The following COL23A1 variants were observed in gnomAD, a reference collection of about 807,000 sequenced individuals.
The protein encoded by COL23A1 is collagen type XXIII alpha 1 chain.
Under a neutral mutation model 99.3 loss-of-function variants are expected in COL23A1, and 97 were observed. The ratio of observed to expected loss-of-function variants is 0.98; its 90% CI spans 0.83 to 1.16. COL23A1 has a LOEUF of 1.16. COL23A1 is among the 50% of genes most tolerant of loss of function. The pLI is 0.00. For synonymous variants in COL23A1, 320 were observed against 308.2 expected (o/e 1.04, Z -0.40); for missense variants, 762 against 757.4 (o/e 1.01, Z -0.07).
chr5:178,556,219 T>C (rs1231088655), intron 2 of COL23A1, among the ~76,000 whole-genome samples: 1 of 150,856 alleles, frequency 6.6e-6, no homozygotes. Flanking sequence ...ACAGACCACC[T>C]CAAAGAGAAA....
chr5:178,448,724 T>C (rs1767310840), intron 2 of COL23A1, among the ~76,000 whole-genome samples: 1 of 152,034 alleles, frequency 6.6e-6, no homozygotes, highest in Non-Finnish European at 1.5e-5. Flanking sequence ...TACGTCCCAT[T>C]AGGCTCCACT....
intron 2 of COL23A1, among the ~76,000 whole-genome samples, chr5:178,406,799 G>A (rs976534055): frequency 3.9e-5 from 6 of 152,172 alleles, no homozygotes; most frequent in African/African-American, 1.4e-4. Context: ...TGATAGCTTT[G>A]ATAACTTTGA....
Position 178,428,876 on chromosome 5 carries a change from C to A in COL23A1, c.362-121957G>T, listed in dbSNP as rs577630132. On this transcript the variant is annotated intron_variant, in intron 2 of 28. Coordinates refer to ENST00000390654, the MANE Select transcript of COL23A1 (RefSeq NM_173465.4). This position sits in a 1 kb window ranked among gnomAD's most constrained non-coding sequence, Gnocchi z 5.0. Reference sequence around the variant, plus strand: ...GAGTGGTGCCTCGTGGGGGTGGGGGCAGGGCTGCCTTTGCCTCCCTATTGT... The same window carrying A: ...GAGTGGTGCCTCGTGGGGGTGGGGGAAGGGCTGCCTTTGCCTCCCTATTGT... Among the ~76,000 whole-genome samples the A allele has an allele frequency of 4.6e-5, 7 of 152,268 alleles. No individual in the cohort carries two copies. The highest frequency in any genetic ancestry group is 1.7e-4 in the African/African-American group (7 of 41,570).
intron 2 of COL23A1, chr5:178,438,887 G>T (rs937679335): frequency 6.6e-5 from 10 of 152,174 alleles, no homozygotes; most frequent in Non-Finnish European, 1.2e-4. Context: ...CCCGGGGAAA[G>T]GTTACAACTC....
At chr5:178,368,165 G>C (rs1464508784) in intron 2 of COL23A1, among the ~76,000 whole-genome samples, 1 of 152,198 alleles carries the variant, frequency 6.6e-6, no homozygotes, top group African/African-American at 2.4e-5. Context: ...GTTTTGTCTA[G>C]AACTTTCCAT....
intron 22 of COL23A1, among the ~76,000 whole-genome samples, 199 bp downstream of exon 22, chr5:178,247,327 C>G (rs918828308): frequency 3.9e-5 from 6 of 152,060 alleles, no homozygotes; most frequent in Non-Finnish European, 7.4e-5. Context: ...AGGAGAGCCT[C>G]AAGGGTGGAG....
chr5:178,562,108 G>A (rs904602813), intron 1 of COL23A1: 1 of 528,342 alleles, frequency 1.9e-6, no homozygotes, highest in South Asian at 1.5e-5. Flanking sequence ...ACAGCGTGGT[G>A]GCAGGCGCCT....
intron 2 of COL23A1, among the ~76,000 whole-genome samples, chr5:178,506,225 A>C (rs1758863444): frequency 6.6e-6 from 1 of 152,174 alleles, no homozygotes; most frequent in South Asian, 2.1e-4. Flanking sequence ...GTCAGGTCTC[A>C]GCCTGGAGGA....
At chr5:178,262,869 T>C (rs1321567968) in intron 9 of COL23A1, among the ~76,000 whole-genome samples, 1 of 151,690 alleles carries the variant, frequency 6.6e-6, no homozygotes, top group African/African-American at 2.4e-5. Flanking sequence ...AGAGTTAGGG[T>C]CTGAATTGGG....
chr5:178,547,376 TG>T (rs1174650179), intron 2 of COL23A1, among the ~76,000 whole-genome samples: 1 of 151,836 alleles, frequency 6.6e-6, no homozygotes, highest in Admixed American at 6.6e-5. Flanking sequence ...TTGGCTCTCC[TG>T]GGCCAGATTT....
At chr5:178,271,165 A>C (rs1756264399) in intron 5 of COL23A1, among the ~76,000 whole-genome samples, 1 of 151,940 alleles carries the variant, frequency 6.6e-6, no homozygotes, top group Admixed American at 6.6e-5. Flanking sequence ...TCCACCTACC[A>C]CTCACTCAAC....
At chr5:178,450,387 G>A (rs1240811121) in intron 2 of COL23A1, among the ~76,000 whole-genome samples, 7 of 152,140 alleles carry the variant, frequency 4.6e-5, no homozygotes, top group African/African-American at 9.7e-5. Context: ...GAGAAGGTGC[G>A]TGCCACCCCG....
intron 16 of COL23A1, among the ~76,000 whole-genome samples, chr5:178,253,848 C>T (rs558539266): frequency 2.0e-5 from 3 of 152,190 alleles, no homozygotes; most frequent in Non-Finnish European, 4.4e-5. Flanking sequence ...CAAACTGAGT[C>T]GGCATCTCAG....
chr5:178,288,196 C>A (rs754102692), intron 5 of COL23A1, 128 bp downstream of exon 5: 2 of 909,122 alleles, frequency 2.2e-6, no homozygotes, highest in Admixed American at 3.4e-5. Context: ...ATCGCCTCCA[C>A]AGAAAGACCA....
intron 2 of COL23A1, among the ~76,000 whole-genome samples, chr5:178,416,587 T>C (rs974239361): frequency 3.3e-5 from 5 of 152,228 alleles, no homozygotes; most frequent in South Asian, 2.1e-4. Context: ...ACCATACCCA[T>C]GCCTATTTTA....
intron 2 of COL23A1, among the ~76,000 whole-genome samples, chr5:178,402,473 A>C (rs1373435462): frequency 6.6e-6 from 1 of 152,248 alleles, no homozygotes; most frequent in Non-Finnish European, 1.5e-5. Flanking sequence ...AGTTAGAATA[A>C]ATAAGATCTA....
chr5:178,417,847 A>C (rs115291629), intron 2 of COL23A1, among the ~76,000 whole-genome samples: 2,168 of 152,342 alleles, frequency 0.014, 48 homozygotes, highest in African/African-American at 0.05. Flanking sequence ...CTGCAACAAC[A>C]ACCTCTGACT....
intron 2 of COL23A1, among the ~76,000 whole-genome samples, chr5:178,543,070 G>A (rs1236154898): frequency 6.6e-6 from 1 of 152,028 alleles, no homozygotes; most frequent in Admixed American, 6.6e-5. Context: ...GTGTGTTCGA[G>A]GGTTGGAGAG....
In COL23A1 at chr5:178,409,014, A is replaced by G. The variant is rs940652547; in HGVS notation, c.362-102095T>C. ...CACACACACACACACACACACACAC[A>G]CACACACATCATGTGGCTGAACAAT... On this transcript the variant is annotated intron_variant, in intron 2 of 28. Transcript: ENST00000390654. Among the ~76,000 whole-genome samples, 471 of 146,078 alleles carry G rather than the reference A, an allele frequency of 3.2e-3. 3 individuals are homozygous for G. Among genetic ancestry groups the G allele is most frequent in the South Asian group, 5.1e-3 (24 of 4,666 alleles).
Sources: gnomAD v4.1 joint callset for allele counts (sites outside exome capture counted in the v4.1 genomes callset) on GRCh38, gnomAD v4.1.1 for gene constraint, Gnocchi (gnomAD v3.1) non-coding constraint, MANE v1.5 for transcripts, NCBI Gene and HGNC (gene_info 2026-07-23, HGNC 2026-07-21) for gene names.